CACNA1E: variants seen among roughly 807,000 people sequenced by gnomAD.
CACNA1E encodes voltage-dependent R-type calcium channel subunit alpha-1E.
CACNA1E carries 40 observed loss-of-function variants against 259.2 expected under a neutral mutation model. That is an observed-to-expected ratio of 0.15 (90% CI 0.12 to 0.20). CACNA1E has a LOEUF of 0.20. CACNA1E is among the 10% of genes least tolerant of loss of function. CACNA1E has a pLI of 1.00. For missense variants in CACNA1E, 1,874 were observed against 3,040.1 expected, an observed-to-expected ratio of 0.62 and a Z score of 9.02; for synonymous variants, 1,104 against 1,138.5, an observed-to-expected ratio of 0.97 and a Z score of 0.61.
chr1:181,383,765 T>C lies in CACNA1E; in HGVS notation c.-14-29368T>C, dbSNP rs1571723712. On this transcript the variant is annotated intron_variant, in intron 1 of 11. Coordinates refer to the CACNA1E transcript ENST00000524607. ...CACAGCTCAACTATATTTCCCTGCC[T>C]CCCTTACGGGGTATGAACATGTGAC... Among the ~76,000 whole-genome samples the C allele has an allele frequency of 2.6e-5, 4 of 152,342 alleles. No individual in the cohort carries two copies. In the South Asian group the frequency reaches 8.3e-4, roughly 32 times the overall value.
At chr1:181,467,862 T>C (rs934223468) in intron 2 of CACNA1E, among the ~76,000 whole-genome samples, 1 of 152,192 alleles carries the variant, frequency 6.6e-6, no homozygotes, top group Non-Finnish European at 1.5e-5. Context: ...TTAGCAATGT[T>C]TGGAAACATT....
At chr1:181,359,994 G>C (rs1653743282) in intron 1 of CACNA1E, among the ~76,000 whole-genome samples, 1 of 152,034 alleles carries the variant, frequency 6.6e-6, no homozygotes, top group African/African-American at 2.4e-5. Context: ...GAGCAGTTTT[G>C]ACTCTCCCTC....
chr1:181,766,522 G>A (rs372053324), intron 34 of CACNA1E, 24 bp from the exon 35 acceptor site: 18 of 1,586,286 alleles, frequency 1.1e-5, no homozygotes, highest in Middle Eastern at 1.7e-4. Context: ...TTTGATTAAC[G>A]TCTTATCTCT....
At chr1:181,685,561 A>T (rs1650451188) in intron 7 of CACNA1E, among the ~76,000 whole-genome samples, 1 of 152,110 alleles carries the variant, frequency 6.6e-6, no homozygotes, top group Non-Finnish European at 1.5e-5. Context: ...TAATATTTCA[A>T]ATTGCCATGT....
At chr1:181,449,797 T>G (rs867322548) in intron 2 of CACNA1E, among the ~76,000 whole-genome samples, 1 of 152,314 alleles carries the variant, frequency 6.6e-6, no homozygotes, top group South Asian at 2.1e-4. Context: ...ATTTTGGATA[T>G]TCAAAGACAA....
intron 1 of CACNA1E, among the ~76,000 whole-genome samples, chr1:181,372,828 A>ATATATT (rs1491221060): frequency 4.6e-4 from 47 of 101,644 alleles, no homozygotes; most frequent in East Asian, 2.4e-3. Context: ...ATATATATAT[A>ATATATT]TTTTTTTTTT....
At chr1:181,498,407 A>G (rs1420116452) in intron 1 of CACNA1E, among the ~76,000 whole-genome samples, 1 of 152,154 alleles carries the variant, frequency 6.6e-6, no homozygotes, top group African/African-American at 2.4e-5. Context: ...CTGGTCATGG[A>G]GCTCCTATGC....
Position 181,679,055 on chromosome 1 carries a change from C to T in CACNA1E, c.1055+27614C>T, listed in dbSNP as rs145970235. On this transcript the variant is annotated intron_variant, in intron 7 of 47. Transcript: ENST00000367573. Reference sequence around the variant, plus strand: ...CATGGTCTTTCACACCTTTGCATGACGCACTTACTGGCACCTAAGGATGAC... The same window carrying T: ...CATGGTCTTTCACACCTTTGCATGATGCACTTACTGGCACCTAAGGATGAC... Among the ~76,000 whole-genome samples, 280 of 152,258 alleles carry T rather than the reference C, an allele frequency of 1.8e-3. 2 individuals carry two copies. The highest frequency in any genetic ancestry group is 6.4e-3 in the African/African-American group (264 of 41,538).
At chr1:181,420,894 C>T (rs1427039203) in intron 2 of CACNA1E, among the ~76,000 whole-genome samples, 1 of 152,142 alleles carries the variant, frequency 6.6e-6, no homozygotes. Flanking sequence ...ATGTCTGTGT[C>T]CCCCACTAGA....
In CACNA1E at chr1:181,788,201, C is replaced by T. The variant is rs145120444; in HGVS notation, c.5787-2244C>T. ...TGGATAGGATTTGGTGATTGATTTG[C>T]TACTTGGACTAAAGGGGAAGGAGGA... On this transcript the variant is annotated intron_variant, in intron 43 of 47. Coordinates refer to ENST00000367573, the MANE Select transcript of CACNA1E (RefSeq NM_001205293.3). Among the ~76,000 whole-genome samples the T allele has an allele frequency of 4.6e-5, 7 of 152,234 alleles. No homozygotes were observed. The East Asian group carries it at 1.4e-3, about 29-fold the overall frequency.
At chr1:181,402,361 A>G (rs1244373632) in intron 1 of CACNA1E, among the ~76,000 whole-genome samples, 1 of 152,182 alleles carries the variant, frequency 6.6e-6, no homozygotes, top group Non-Finnish European at 1.5e-5. Flanking sequence ...GGCCAGGGAA[A>G]GAGGTGGGAA....
rs373866081 is a variant in CACNA1E, at chr1:181,798,269, G to T, written c.6400-23G>T. 6.4e-7 allele frequency: 1 copy of T among 1,556,230 alleles called. No homozygotes were observed. The highest frequency in any genetic ancestry group is 8.7e-7 in the Non-Finnish European group (1 of 1,150,434). On this transcript the variant is annotated intron_variant, in intron 47 of 47. Coordinates refer to ENST00000367573, the MANE Select transcript of CACNA1E (RefSeq NM_001205293.3). This position sits in a 1 kb window ranked among gnomAD's most constrained non-coding sequence, Gnocchi z 4.2. The stretch of plus-strand genomic sequence containing the variant: ...GATCATGCCAAGCCCAATCTAACAT[G>T]CCATGTCTCTCCTGCTATACAGGGC...
At chr1:181,597,452 C>T (rs533046134) in intron 6 of CACNA1E, among the ~76,000 whole-genome samples, 60 of 152,274 alleles carry the variant, frequency 3.9e-4, no homozygotes, top group Admixed American at 3.8e-3. Flanking sequence ...AAACACACTT[C>T]GTTGGGATCT....
At chr1:181,618,319 C>T (rs1655416857) in intron 6 of CACNA1E, among the ~76,000 whole-genome samples, 1 of 152,224 alleles carries the variant, frequency 6.6e-6, no homozygotes, top group Admixed American at 6.5e-5. Flanking sequence ...AATCCCAGCA[C>T]TTTGGGAGGC....
Position 181,750,596 on chromosome 1 carries a change from AG to A in CACNA1E, c.3731+110del, listed in dbSNP as rs947062646. ...CTCACGCACTGAGAAAAGAGTGGTC[AG>A]TTTTTATTTATATCCAAGGGATCAA... is the stretch of plus-strand genomic sequence containing the variant. On this transcript the variant is annotated intron_variant, in intron 26 of 47. Coordinates refer to ENST00000367573, the MANE Select transcript of CACNA1E (RefSeq NM_001205293.3). The A allele has an allele frequency of 6.0e-6, 6 of 998,346 alleles. No homozygotes were observed. In the African/African-American group the frequency reaches 6.4e-5, roughly 11 times the overall value. The allele number at this position is 998,346 out of a possible 1,614,324, so 61.8% of individuals were successfully genotyped here. A position where few individuals can be genotyped will look rare whatever the true frequency, so the allele number is the denominator to read the frequency against.
At position 181,776,597 on chromosome 1, in the gene CACNA1E, G is replaced by A. The variant is rs1659996842; in HGVS notation, c.5267+369G>A. On this transcript the variant is annotated intron_variant, in intron 38 of 47. Coordinates refer to ENST00000367573, the MANE Select transcript of CACNA1E (RefSeq NM_001205293.3). This position sits in a 1 kb window ranked among gnomAD's most constrained non-coding sequence, Gnocchi z 4.4. Reference sequence around the variant, plus strand: ...TTTGACAAGGGTTTTTGGCCAGCTGGACATCTGGCCACCATGATCAGTGAC... The same window carrying A: ...TTTGACAAGGGTTTTTGGCCAGCTGAACATCTGGCCACCATGATCAGTGAC... Among the ~76,000 whole-genome samples, 1 of 152,222 alleles carries A rather than the reference G, an allele frequency of 6.6e-6. No individual in the cohort carries two copies. Among genetic ancestry groups the A allele is most frequent in the Non-Finnish European group, 1.5e-5 (1 of 68,034 alleles).
In CACNA1E at chr1:181,801,204, T is replaced by G. The variant is rs1662248799; in HGVS notation, c.*2370T>G. 1 of 152,662 alleles carries G rather than the reference T, an allele frequency of 6.6e-6. No homozygotes were observed. Among genetic ancestry groups the G allele is most frequent in the Non-Finnish European group, 1.5e-5 (1 of 68,052 alleles). The allele number at this position is 152,662 out of a possible 1,614,324, so 9.5% of individuals were successfully genotyped here. The stretch of plus-strand genomic sequence containing the variant: ...CAACAGGACGACCATTCTGAGCCAG[T>G]GAGTCTATTGCATGGTGTTTTGAGA... On this transcript the variant is annotated 3_prime_UTR_variant, in exon 48 of 48. Coordinates refer to ENST00000367573, the MANE Select transcript of CACNA1E (RefSeq NM_001205293.3).
intron 2 of CACNA1E, among the ~76,000 whole-genome samples, chr1:181,441,823 A>G (rs879661927): frequency 3.3e-5 from 5 of 152,148 alleles, no homozygotes; most frequent in Admixed American, 3.3e-4. Flanking sequence ...GATTCTACAT[A>G]GCATAGTAGG....
At chr1:181,378,594 G>C (rs2101986173) in intron 1 of CACNA1E, among the ~76,000 whole-genome samples, 1 of 152,314 alleles carries the variant, frequency 6.6e-6, no homozygotes, top group East Asian at 1.9e-4. Context: ...GTATTCAGCT[G>C]AGTACTTATA....
Sources: allele counts gnomAD v4.1 joint callset (sites outside exome capture counted in the v4.1 genomes callset), GRCh38; gene constraint gnomAD v4.1.1; non-coding constraint Gnocchi (gnomAD v3.1); transcripts MANE v1.5; gene names NCBI Gene and HGNC (gene_info 2026-07-23, HGNC 2026-07-21).